RAPGEF4: variants seen among roughly 807,000 people sequenced by gnomAD.
RAPGEF4 encodes the protein Rap guanine nucleotide exchange factor 4.
In RAPGEF4, 66 loss-of-function variants were observed where a neutral mutation model predicts 147.9. That is an observed-to-expected ratio of 0.45 (90% CI 0.37 to 0.55). The LOEUF (loss-of-function observed/expected upper bound fraction) is 0.55. Among genes scored for constraint, RAPGEF4 ranks in the 20% least tolerant of loss-of-function variants. The pLI is 0.00. For missense variants in RAPGEF4, 1,071 were observed against 1,257.3 expected, an observed-to-expected ratio of 0.85 and a Z score of 2.24; for synonymous variants, 419 against 442.7, an observed-to-expected ratio of 0.95 and a Z score of 0.67.
rs1280788334 is a variant in RAPGEF4 at position 172,915,626 on chromosome 2, C to T, written c.445-2176C>T. Among the ~76,000 whole-genome samples, 4 of 144,894 alleles carry T rather than the reference C, an allele frequency of 2.8e-5. No homozygotes were observed. In the East Asian group the frequency reaches 6.2e-4, roughly 23 times the overall value. The stretch of plus-strand genomic sequence containing the variant: ...GGCTGAGGCTGGAGAATTGCTTGAA[C>T]TGGGAAGGCAGAGGTTGCAGTGAGC... On this transcript the variant is annotated intron_variant, in intron 4 of 30. Transcript: ENST00000397081.
At chr2:172,986,638 A>G (rs917686795) in intron 12 of RAPGEF4, among the ~76,000 whole-genome samples, 1 of 152,038 alleles carries the variant, frequency 6.6e-6, no homozygotes, top group Non-Finnish European at 1.5e-5. Flanking sequence ...AAAATAGAGT[A>G]TATTACAATT....
rs369367728 is a variant in RAPGEF4 at position 172,942,436 on chromosome 2, G to T, written c.538-18324G>T. Among the ~76,000 whole-genome samples the T allele has an allele frequency of 3.3e-5, 5 of 151,638 alleles. No homozygotes were observed. In the East Asian group the frequency reaches 9.9e-4, roughly 30 times the overall value. On this transcript the variant is annotated intron_variant, in intron 6 of 30. Transcript: ENST00000397081. ...TTTTGCTGCTCCCCTTTTCCTAACG[G>T]ATGTCCACCTTTAATGAGCCTTTAT...
At chr2:172,876,221 C>T (rs1190809060) in intron 4 of RAPGEF4, among the ~76,000 whole-genome samples, 1 of 152,130 alleles carries the variant, frequency 6.6e-6, no homozygotes, top group East Asian at 1.9e-4. Flanking sequence ...TCCTCCTTTC[C>T]TAATTGAATA....
intron 19 of RAPGEF4, 24 bp downstream of exon 19, chr2:173,016,461 G>T (rs1288981178): frequency 3.8e-6 from 6 of 1,562,564 alleles, no homozygotes; most frequent in Non-Finnish European, 5.3e-6. Context: ...TGACTGTGGG[G>T]GTGTGCTTTC....
At chr2:172,857,167 TGC>T (rs201878022) in intron 4 of RAPGEF4, among the ~76,000 whole-genome samples, 2 of 123,156 alleles carry the variant, frequency 1.6e-5, no homozygotes, top group South Asian at 2.5e-4. Flanking sequence ...TACGCGCGTG[TGC>T]GCGCGCACAC....
At position 172,794,754 on chromosome 2, in the gene RAPGEF4, T is replaced by A. The variant is rs115577309; in HGVS notation, c.66-271T>A. On this transcript the variant is annotated intron_variant, in intron 1 of 30. Coordinates refer to ENST00000397081, the MANE Select transcript of RAPGEF4 (RefSeq NM_007023.4). ...TGTGCTTCTAAGGGATTAAGTATTA[T>A]ACCAGAGTATCACCTTGAACTTAGC... 3.4e-3 allele frequency among the ~76,000 whole-genome samples: 518 copies of A among 152,362 alleles called. 4 individuals carry two copies. The highest frequency in any genetic ancestry group is 0.011 in the African/African-American group (473 of 41,582).
intron 1 of RAPGEF4, among the ~76,000 whole-genome samples, chr2:172,775,815 G>T (rs550178601): frequency 6.6e-6 from 1 of 152,090 alleles, no homozygotes; most frequent in Non-Finnish European, 1.5e-5. Flanking sequence ...AGGGTTGTTG[G>T]GGGGAAAGCC....
chr2:172,913,820 G>A (rs1376010590), intron 4 of RAPGEF4, among the ~76,000 whole-genome samples: 3 of 152,104 alleles, frequency 2.0e-5, no homozygotes, highest in Non-Finnish European at 2.9e-5. Context: ...TGGAATAAAA[G>A]TCAAAAGTTC....
intron 4 of RAPGEF4, among the ~76,000 whole-genome samples, chr2:172,843,593 A>G (rs1410168893): frequency 1.3e-5 from 2 of 152,262 alleles, no homozygotes; most frequent in Non-Finnish European, 2.9e-5. Context: ...GTTTCAAAAG[A>G]TGAAAAGTTC....
At chr2:172,758,313 G>T (rs1695971126) in intron 1 of RAPGEF4, among the ~76,000 whole-genome samples, 1 of 152,290 alleles carries the variant, frequency 6.6e-6, no homozygotes, top group African/African-American at 2.4e-5. Flanking sequence ...GACAGAGAAT[G>T]AGGGCAGATC....
At chr2:172,986,736 C>A (rs1575449131) in intron 12 of RAPGEF4, among the ~76,000 whole-genome samples, 1 of 151,740 alleles carries the variant, frequency 6.6e-6, no homozygotes, top group Non-Finnish European at 1.5e-5. Context: ...CTCTATCACC[C>A]AGGCTGGAGT....
intron 10 of RAPGEF4, among the ~76,000 whole-genome samples, chr2:172,970,965 G>C (rs772021795): frequency 1.2e-4 from 18 of 152,184 alleles, no homozygotes; most frequent in Non-Finnish European, 2.5e-4. Context: ...TGTTGTTGTA[G>C]CTCTGAGACA....
At chr2:172,886,492 T>A (rs1697234337) in intron 4 of RAPGEF4, among the ~76,000 whole-genome samples, 1 of 152,210 alleles carries the variant, frequency 6.6e-6, no homozygotes, top group Non-Finnish European at 1.5e-5. Flanking sequence ...AAAGTAGACA[T>A]AATATAAATA....
intron 6 of RAPGEF4, among the ~76,000 whole-genome samples, chr2:172,932,046 T>C (rs1395614245): frequency 6.6e-6 from 1 of 151,354 alleles, no homozygotes; most frequent in African/African-American, 2.4e-5. Context: ...TTCTTCCTTT[T>C]TCTCAATTTG....
intron 4 of RAPGEF4, among the ~76,000 whole-genome samples, chr2:172,874,432 T>C (rs1448216921): frequency 6.6e-6 from 1 of 151,982 alleles, no homozygotes; most frequent in Non-Finnish European, 1.5e-5. Flanking sequence ...CGGTGTGTAA[T>C]GTTCCCCTTC....
intron 10 of RAPGEF4, 55 bp from the exon 11 acceptor site, chr2:172,983,441 G>A: frequency 1.9e-6 from 3 of 1,564,220 alleles, no homozygotes; most frequent in South Asian, 2.4e-5. Flanking sequence ...TTCCATGTTT[G>A]AGGCCCTAGT....
intron 4 of RAPGEF4, among the ~76,000 whole-genome samples, chr2:172,897,619 C>G (rs1002530611): frequency 6.6e-6 from 1 of 151,880 alleles, no homozygotes; most frequent in Non-Finnish European, 1.5e-5. Context: ...CCAGGCTATT[C>G]TCGAACTCCT....
chr2:172,870,990 A>C (rs1695180236), intron 4 of RAPGEF4, among the ~76,000 whole-genome samples: 1 of 152,220 alleles, frequency 6.6e-6, no homozygotes, highest in Non-Finnish European at 1.5e-5. Flanking sequence ...AGAATTAAGA[A>C]AAATAAACAC....
rs1018202178 is a variant in RAPGEF4 at position 172,990,818 on chromosome 2, G to A, written c.1383G>A (p.Glu461=). 3.7e-6 allele frequency: 6 copies of A among 1,613,122 alleles called. No homozygotes were observed. In the African/African-American group the frequency reaches 8.0e-5, roughly 21 times the overall value. ...GTAATTTGTATTTGCAGGACGTGGAGGCGAATACAGTCAGACTTAAAGAAC... is the reference window on the plus strand; with the variant it reads ...GTAATTTGTATTTGCAGGACGTGGAAGCGAATACAGTCAGACTTAAAGAAC... ...EDFNRILRDV[E]ANTVRLKEHD... Residue 461 remains glutamate (E), a synonymous_variant, in exon 15 of 31, where the codon GAG becomes GAA. Coordinates refer to ENST00000397081, the MANE Select transcript of RAPGEF4 (RefSeq NM_007023.4).
Sources: allele counts gnomAD v4.1 joint callset (sites outside exome capture counted in the v4.1 genomes callset), GRCh38; gene constraint gnomAD v4.1.1; transcripts MANE v1.5; gene names NCBI Gene and HGNC (gene_info 2026-07-23, HGNC 2026-07-21).